The following EIF2B1 variants were observed in gnomAD, a reference collection of about 807,000 sequenced individuals.
EIF2B1 encodes the protein translation initiation factor eIF2B subunit alpha.
A neutral mutation model predicts 36.8 loss-of-function variants in EIF2B1; 30 were observed. That is an observed-to-expected ratio of 0.81 (90% CI 0.61 to 1.10). EIF2B1 has a LOEUF of 1.10. Ranked by LOEUF, EIF2B1 falls within the 50% of genes least tolerant of loss-of-function variation. The probability of loss-of-function intolerance (pLI) is 0.00; values close to 1 mark genes in which losing one functional copy is unlikely to be tolerated. For synonymous variants in EIF2B1, 139 were observed against 142.2 expected, an observed-to-expected ratio of 0.98 and a Z score of 0.16; for missense variants, 271 against 374.8, an observed-to-expected ratio of 0.72 and a Z score of 2.29.
In EIF2B1 at chr12:123,621,828, A is replaced by G; in HGVS notation, c.846T>C (p.Thr282=). The G allele has an allele frequency of 6.2e-7, 1 of 1,614,058 alleles. No homozygotes were observed. The highest frequency in any genetic ancestry group is 8.5e-7 in the Non-Finnish European group (1 of 1,180,032). Residue 282 remains threonine (T), a synonymous_variant, in exon 9 of 9, where the codon ACT becomes ACC. Transcript: ENST00000424014. The part of the protein sequence containing the change: ...WVDYTAPSLI[T]LLFTDLGVLT... ...GCACGCCCAGGTCTGTAAACAGCAG[A>G]GTGATTAAGGAAGGGGCAGTGTAGT...
chr12:123,630,321 G>C lies in EIF2B1; in HGVS notation c.253-36C>G. 1 of 1,614,022 alleles carries C rather than the reference G, an allele frequency of 6.2e-7. No individual in the cohort carries two copies. The highest frequency in any genetic ancestry group is 8.5e-7 in the Non-Finnish European group (1 of 1,179,864). On this transcript the variant is annotated intron_variant, in intron 3 of 8. Transcript: ENST00000424014. The surrounding 1 kb of genome is among the most constrained non-coding windows in gnomAD (Gnocchi z 4.6). ...AAGAGCAAACTGAGGGGACAGGGAA[G>C]ATCCAGTTAATGCTGAGAATGTCTG...
intron 2 of EIF2B1, among the ~76,000 whole-genome samples, chr12:123,631,502 G>A (rs901970304): frequency 1.3e-5 from 2 of 151,666 alleles, no homozygotes; most frequent in Admixed American, 1.3e-4. Context: ...GTGAAACCCT[G>A]TCTCTACTAA....
In EIF2B1 at chr12:123,620,842, T is replaced by C. The variant is rs1197381282; in HGVS notation, c.*914A>G. ...TGTTAATAGTCACAGTATTGTTTTA[T>C]TGGTGAATAGCTGAAAAACAGAGGG... On this transcript the variant is annotated 3_prime_UTR_variant, in exon 9 of 9. Transcript: ENST00000424014. 1 of 151,606 alleles carries C rather than the reference T, an allele frequency of 6.6e-6. No individual in the cohort carries two copies. Among genetic ancestry groups the C allele is most frequent in the African/African-American group, 2.4e-5 (1 of 41,284 alleles). 9.4% of individuals were successfully genotyped at this position (151,606 alleles called of 1,614,324 possible).
chr12:123,632,576 T>TA lies in EIF2B1; in HGVS notation c.14-131_14-130insT, dbSNP rs529885154. The TA allele has an allele frequency of 6.6e-5, 47 of 709,096 alleles. No homozygotes were observed. The African/African-American group carries it at 7.6e-4, about 11-fold the overall frequency. The allele number at this position is 709,096 out of a possible 1,614,324, so 43.9% of individuals were successfully genotyped here. On this transcript the variant is annotated intron_variant, in intron 1 of 8. Transcript: ENST00000424014. Reference sequence around the variant, plus strand: ...TACTTTCTTTTTAGGGTATTTGGTTTCAGGGATGCAATAAATGTTGATGGG... The same window carrying TA: ...TACTTTCTTTTTAGGGTATTTGGTTTACAGGGATGCAATAAATGTTGATGGG...
chr12:123,624,468 C>T (rs1380475505), intron 7 of EIF2B1, among the ~76,000 whole-genome samples: 1 of 152,066 alleles, frequency 6.6e-6, no homozygotes, highest in Non-Finnish European at 1.5e-5. Context: ...CTATGTTGCC[C>T]AGGCTGGTCT....
rs1219158597 is a variant in EIF2B1 at position 123,630,709 on chromosome 12, G to C, written c.116-176C>G. Among the ~76,000 whole-genome samples the C allele has an allele frequency of 6.6e-6, 1 of 152,220 alleles. No homozygotes were observed. ...AGACAGGTAGGGTTCTGCTGTGATG[G>C]AGTTTTGATTGTAATAGAGGAAGCG... On this transcript the variant is annotated intron_variant, in intron 2 of 8. Coordinates refer to ENST00000424014, the MANE Select transcript of EIF2B1 (RefSeq NM_001414.4). The surrounding 1 kb of genome is among the most constrained non-coding windows in gnomAD (Gnocchi z 4.6).
chr12:123,623,308 C>T (rs1955122496), intron 7 of EIF2B1, among the ~76,000 whole-genome samples: 3 of 151,960 alleles, frequency 2.0e-5, no homozygotes, highest in Non-Finnish European at 4.4e-5. Context: ...CTCGCTTGAA[C>T]CCGGGCACTG....
Position 123,630,376 on chromosome 12 carries a change from C to T in EIF2B1, c.252+21G>A. The T allele has an allele frequency of 6.2e-7, 1 of 1,614,036 alleles. No individual in the cohort carries two copies. The highest frequency in any genetic ancestry group is 1.1e-5 in the South Asian group (1 of 91,082). On this transcript the variant is annotated intron_variant, in intron 3 of 8. Transcript: ENST00000424014. This position sits in a 1 kb window ranked among gnomAD's most constrained non-coding sequence, Gnocchi z 4.6. ...TAAACAGAGAAGTGGAAAGGTAACC[C>T]CAGGGAGAACAGGCACTTACGGAGT...
chr12:123,621,893 G>T lies in EIF2B1; in HGVS notation c.781C>A (p.Gln261Lys). The T allele has an allele frequency of 6.2e-7, 1 of 1,614,100 alleles. No individual in the cohort carries two copies. The highest frequency in any genetic ancestry group is 8.5e-7 in the Non-Finnish European group (1 of 1,180,034). ...TCCTCTTTGAGGTCTTGTCCAGTCT[G>T]CGCGACCTTGAGAGTGTCTGCCTTA... ...KYKADTLKVA[Q>K]TGQDLKEEHP... Residue 261 changes from glutamine (Q) to lysine (K), a missense_variant, in exon 9 of 9, where the codon CAG becomes AAG. Physicochemically the swap from Gln to Lys is moderately conservative, Grantham distance 53. Transcript: ENST00000424014.
chr12:123,630,508 C>G lies in EIF2B1; in HGVS notation c.141G>C (p.Ala47=). ...GGGTTTCTATGGCACTGGTGAGATT[C>G]GCCCTCAGACCCTGGATTGTCTCCC... ...DKGETIQGLR[A]NLTSAIETLC... is the part of the protein sequence containing the mutation. Residue 47 remains alanine (A), a synonymous_variant, in exon 3 of 9, where the codon GCG becomes GCC. Transcript: ENST00000424014. The surrounding 1 kb of genome is among the most constrained non-coding windows in gnomAD (Gnocchi z 4.6). 6.2e-7 allele frequency: 1 copy of G among 1,613,274 alleles called. No homozygotes were observed. Among genetic ancestry groups the G allele is most frequent in the Non-Finnish European group, 8.5e-7 (1 of 1,179,902 alleles).
chr12:123,621,607 G>C lies in EIF2B1; in HGVS notation c.*149C>G, dbSNP rs748141757. On this transcript the variant is annotated 3_prime_UTR_variant, in exon 9 of 9. Coordinates refer to ENST00000424014, the MANE Select transcript of EIF2B1 (RefSeq NM_001414.4). Reference sequence around the variant, plus strand: ...AGATGGGACTGAAATGAGTAAGAAAGGTTCTCCAAGATGTATGATTTTAAG... The same window carrying C: ...AGATGGGACTGAAATGAGTAAGAAACGTTCTCCAAGATGTATGATTTTAAG... 260 of 949,036 alleles carry C rather than the reference G, an allele frequency of 2.7e-4. 1 individual carries two copies. The highest frequency in any genetic ancestry group is 6.3e-4 in the Middle Eastern group (2 of 3,180). 58.8% of individuals were successfully genotyped at this position (949,036 alleles called of 1,614,324 possible). A position where few individuals can be genotyped will look rare whatever the true frequency, so the allele number is the denominator to read the frequency against.
At chr12:123,632,815 G>A (rs562503415) in intron 1 of EIF2B1, among the ~76,000 whole-genome samples, 2 of 151,176 alleles carry the variant, frequency 1.3e-5, no homozygotes, top group African/African-American at 2.4e-5. Flanking sequence ...GCGTAGTGGC[G>A]GGCGCCTGTA....
chr12:123,632,461 A>G lies in EIF2B1; in HGVS notation c.14-15T>C. 1.3e-6 allele frequency: 2 copies of G among 1,567,778 alleles called. No homozygotes were observed. The highest frequency in any genetic ancestry group is 1.8e-6 in the Non-Finnish European group (2 of 1,139,166). On this transcript the variant is annotated splice_polypyrimidine_tract_variant and intron_variant, in intron 1 of 8. Transcript: ENST00000424014. Reference sequence around the variant, plus strand: ...TTCAATTAACTCTGGAAAAAGGGAAAAAAGTGATTCACCTAATTCATTTAG... The same window carrying G: ...TTCAATTAACTCTGGAAAAAGGGAAGAAAGTGATTCACCTAATTCATTTAG...
Position 123,621,620 on chromosome 12 carries a change from G to T in EIF2B1, c.*136C>A. The T allele has an allele frequency of 1.8e-6, 2 of 1,086,962 alleles. No individual in the cohort carries two copies. Among genetic ancestry groups the T allele is most frequent in the Non-Finnish European group, 2.8e-6 (2 of 726,966 alleles). The allele number at this position is 1,086,962 out of a possible 1,614,324, so 67.3% of individuals were successfully genotyped here. ...ATGAGTAAGAAAGGTTCTCCAAGAT[G>T]TATGATTTTAAGTCCTTACTCCATA... On this transcript the variant is annotated 3_prime_UTR_variant, in exon 9 of 9. Coordinates refer to ENST00000424014, the MANE Select transcript of EIF2B1 (RefSeq NM_001414.4).
intron 2 of EIF2B1, among the ~76,000 whole-genome samples, chr12:123,631,431 G>A (rs914900161): frequency 6.6e-6 from 1 of 152,178 alleles, no homozygotes; most frequent in Non-Finnish European, 1.5e-5. Context: ...TCAGCACTTT[G>A]GGAGGGCGAG....
rs538334370 is a variant in EIF2B1, at chr12:123,626,548, T to G, written c.483-55A>C. 1.9e-6 allele frequency: 3 copies of G among 1,590,532 alleles called. No homozygotes were observed. In the African/African-American group the frequency reaches 4.0e-5, roughly 21 times the overall value. ...AAAGTACAAGACAGTACCACAGTGA[T>G]GTATGTCACCTAATGTGGACAGTGG... On this transcript the variant is annotated intron_variant, in intron 5 of 8. Coordinates refer to ENST00000424014, the MANE Select transcript of EIF2B1 (RefSeq NM_001414.4).
In EIF2B1 at chr12:123,621,712, C is replaced by G; in HGVS notation, c.*44G>C. ...GGGTGTCAAGCAGCTACTCACCCTGCCTCAACTACGTAAGCTGCACCTTGG... is the reference window on the plus strand; with the variant it reads ...GGGTGTCAAGCAGCTACTCACCCTGGCTCAACTACGTAAGCTGCACCTTGG... On this transcript the variant is annotated 3_prime_UTR_variant, in exon 9 of 9. Coordinates refer to ENST00000424014, the MANE Select transcript of EIF2B1 (RefSeq NM_001414.4). 1 of 1,612,288 alleles carries G rather than the reference C, an allele frequency of 6.2e-7. No homozygotes were observed. The highest frequency in any genetic ancestry group is 8.5e-7 in the Non-Finnish European group (1 of 1,179,896).
chr12:123,629,144 G>A (rs1224351844), intron 4 of EIF2B1, among the ~76,000 whole-genome samples: 3 of 152,140 alleles, frequency 2.0e-5, no homozygotes, highest in African/African-American at 4.8e-5. Flanking sequence ...ATAAAATGGA[G>A]GACAAGATTT....
In EIF2B1 at chr12:123,626,437, T is replaced by C; in HGVS notation, c.539A>G (p.Asp180Gly). The C allele has an allele frequency of 6.2e-7, 1 of 1,614,134 alleles. No individual in the cohort carries two copies. The highest frequency in any genetic ancestry group is 8.5e-7 in the Non-Finnish European group (1 of 1,179,978). ...HLNVPVTVVL[D>G]AAVGYIMEKA... ...GATGGGCACTCACCCGACAGCAGCA[T>C]CTAGCACCACAGTGACAGGGACGTT... The change falls in exon 6 of 9, where the codon GAT becomes GGT. Residue 180 changes from aspartate (D) to glycine (G), a missense_variant. By Grantham distance (94) the Asp-to-Gly change is moderately conservative. Transcript: ENST00000424014.
Sources: gnomAD v4.1 joint callset for allele counts (sites outside exome capture counted in the v4.1 genomes callset) on GRCh38, gnomAD v4.1.1 for gene constraint, Gnocchi (gnomAD v3.1) non-coding constraint, MANE v1.5 for transcripts, NCBI Gene and HGNC (gene_info 2026-07-23, HGNC 2026-07-21) for gene names.